Variants in DDX60L observed in about 807,000 individuals in gnomAD.
DDX60L encodes the protein DExD/H-box 60 like, also known as probable ATP-dependent RNA helicase DDX60-like.
DDX60L carries 191 observed loss-of-function variants against 211.6 expected under a neutral mutation model. That is an observed-to-expected ratio of 0.90 (90% CI 0.80 to 1.02). The LOEUF (loss-of-function observed/expected upper bound fraction) is 1.02, where lower values mean the gene tolerates loss of function less well. DDX60L is among the 50% of genes least tolerant of loss of function. The probability of loss-of-function intolerance (pLI) is 0.00; values close to 1 mark genes in which losing one functional copy is unlikely to be tolerated. For synonymous variants in DDX60L, 706 were observed against 694.1 expected (o/e 1.02, Z -0.27); for missense variants, 2,007 against 1,984.1 (o/e 1.01, Z -0.22).
chr4:168,386,299 G>C (rs1306428208), intron 29 of DDX60L, among the ~76,000 whole-genome samples: 10 of 152,048 alleles, frequency 6.6e-5, no homozygotes, highest in Admixed American at 6.6e-4. Context: ...TTAACAAATA[G>C]AGTTAAAAGT....
Position 168,375,539 on chromosome 4 carries a change from C to T in DDX60L, c.4486-15G>A, listed in dbSNP as rs1489498545. 7 of 1,572,256 alleles carry T rather than the reference C, an allele frequency of 4.5e-6. No individual in the cohort carries two copies. The highest frequency in any genetic ancestry group is 2.3e-5 in the East Asian group (1 of 43,812). On this transcript the variant is annotated splice_polypyrimidine_tract_variant and intron_variant, in intron 33 of 37. Coordinates refer to ENST00000682922, the MANE Select transcript of DDX60L (RefSeq NM_001012967.3). Reference sequence around the variant, plus strand: ...GCAAGGATCACCTATGGGCGAAATACATTTCAGAAAGATCTCTTTACTTTT... The same window carrying T: ...GCAAGGATCACCTATGGGCGAAATATATTTCAGAAAGATCTCTTTACTTTT...
At chr4:168,372,217 A>C (rs1741154705) in intron 35 of DDX60L, among the ~76,000 whole-genome samples, 1 of 152,138 alleles carries the variant, frequency 6.6e-6, no homozygotes, top group African/African-American at 2.4e-5. Context: ...GAATAAAATG[A>C]AACAGCACAA....
At chr4:168,453,071 A>T (rs1288511618) in intron 8 of DDX60L, 53 bp downstream of exon 8, 51 of 1,516,880 alleles carry the variant, frequency 3.4e-5, no homozygotes, top group Non-Finnish European at 4.4e-5. Context: ...TTTAAAGGTG[A>T]TCATGGTTTT....
chr4:168,407,852 T>A (rs1389185071), intron 22 of DDX60L, among the ~76,000 whole-genome samples: 1 of 152,230 alleles, frequency 6.6e-6, no homozygotes, highest in Non-Finnish European at 1.5e-5. Flanking sequence ...AATATGAGAA[T>A]GACAATGTCT....
At chr4:168,371,169 G>A (rs896480291) in intron 36 of DDX60L, among the ~76,000 whole-genome samples, 9 of 151,234 alleles carry the variant, frequency 6.0e-5, no homozygotes, top group Admixed American at 2.0e-4. Flanking sequence ...TGAATAATTA[G>A]TGTAACGGTA....
At chr4:168,373,577 G>A in intron 35 of DDX60L, 89 bp downstream of exon 35, 2 of 1,311,772 alleles carry the variant, frequency 1.5e-6, no homozygotes, top group Middle Eastern at 1.9e-4. Context: ...CAGTGTTTTG[G>A]GTTTGAGGTC....
At chr4:168,420,082 C>T (rs1402208161) in intron 18 of DDX60L, among the ~76,000 whole-genome samples, 179 bp downstream of exon 18, 2 of 152,118 alleles carry the variant, frequency 1.3e-5, no homozygotes, top group Non-Finnish European at 2.9e-5. Flanking sequence ...GATGGTGAGC[C>T]TAGTTCTTAC....
chr4:168,433,156 A>G (rs1290668588), intron 10 of DDX60L, 41 bp from the exon 11 acceptor site: 1 of 1,272,682 alleles, frequency 7.9e-7, no homozygotes, highest in Non-Finnish European at 1.1e-6. Flanking sequence ...GAAAGGTGTA[A>G]CTATCCTATA....
intron 9 of DDX60L, among the ~76,000 whole-genome samples, chr4:168,447,908 CG>C (rs1315047263): frequency 6.8e-6 from 1 of 146,862 alleles, no homozygotes; most frequent in African/African-American, 2.5e-5. Flanking sequence ...GGGATAGCAT[CG>C]GGAGATATAC....
chr4:168,442,994 T>C (rs1579681326), intron 9 of DDX60L, among the ~76,000 whole-genome samples: 1 of 152,320 alleles, frequency 6.6e-6, no homozygotes, highest in East Asian at 1.9e-4. Flanking sequence ...AGGAACGCAG[T>C]TCCTCACCAG....
At chr4:168,471,223 G>A (rs532994748) in intron 4 of DDX60L, among the ~76,000 whole-genome samples, 4 of 152,270 alleles carry the variant, frequency 2.6e-5, no homozygotes, top group African/African-American at 7.2e-5. Context: ...ATTTTGAAAC[G>A]TACCCCCAAA....
intron 36 of DDX60L, among the ~76,000 whole-genome samples, chr4:168,368,779 A>G (rs1740438248): frequency 6.6e-6 from 1 of 152,200 alleles, no homozygotes; most frequent in Non-Finnish European, 1.5e-5. Context: ...GATGCAAGAC[A>G]TGGAGTCAAA....
At chr4:168,411,318 G>A (rs555589554) in intron 22 of DDX60L, among the ~76,000 whole-genome samples, 1 of 152,314 alleles carries the variant, frequency 6.6e-6, no homozygotes, top group Non-Finnish European at 1.5e-5. Flanking sequence ...AGGCACTGAA[G>A]AGGGCAGGAA....
intron 37 of DDX60L, among the ~76,000 whole-genome samples, chr4:168,359,544 T>C (rs1383615642): frequency 6.6e-6 from 1 of 152,206 alleles, no homozygotes; most frequent in Non-Finnish European, 1.5e-5. Flanking sequence ...GCCTTCATTT[T>C]CTCTCACCTG....
chr4:168,419,569 T>C (rs1473592704), intron 18 of DDX60L, among the ~76,000 whole-genome samples, 172 bp from the exon 19 acceptor site: 2 of 152,220 alleles, frequency 1.3e-5, no homozygotes, highest in East Asian at 1.9e-4. Context: ...TTTGGATTAA[T>C]GAAAATGAAA....
intron 35 of DDX60L, 125 bp from the exon 36 acceptor site, chr4:168,371,888 G>A (rs1741096631): frequency 1.1e-6 from 1 of 895,294 alleles, no homozygotes; most frequent in East Asian, 2.8e-5. Flanking sequence ...AGTGAAGGAG[G>A]CAGGCAGAGG....
chr4:168,386,111 C>G (rs1385834299), intron 29 of DDX60L, among the ~76,000 whole-genome samples: 1 of 152,038 alleles, frequency 6.6e-6, no homozygotes, highest in Non-Finnish European at 1.5e-5. Flanking sequence ...ATGAAGGATT[C>G]AAACTTCTTC....
In DDX60L at chr4:168,448,647, T is replaced by C; in HGVS notation, c.1129A>G (p.Ser377Gly). ...KNIAFYYEFESTQEPHLNLGD... is the reference protein window; with the variant it reads ...KNIAFYYEFEGTQEPHLNLGD... ...CATATTCAGGTACTACCTTGAGTACTTTCAAATTCATAGTAGAAGGCTATA... is the reference window on the plus strand; with the variant it reads ...CATATTCAGGTACTACCTTGAGTACCTTCAAATTCATAGTAGAAGGCTATA... Residue 377 changes from serine to glycine, a missense_variant, in exon 9 of 38, where the codon AGT (serine) becomes GGT (glycine). Coordinates refer to ENST00000682922, the MANE Select transcript of DDX60L (RefSeq NM_001012967.3). The C allele has an allele frequency of 6.5e-7, 1 of 1,550,046 alleles. No homozygotes were observed. The highest frequency in any genetic ancestry group is 8.8e-7 in the Non-Finnish European group (1 of 1,133,742).
intron 29 of DDX60L, among the ~76,000 whole-genome samples, chr4:168,386,590 A>G (rs1560963618): frequency 1.6e-5 from 1 of 61,686 alleles, no homozygotes; most frequent in Non-Finnish European, 5.1e-5. Flanking sequence ...AAAAAAAAAG[A>G]ACAAAGATAA....
Sources: allele counts gnomAD v4.1 joint callset (sites outside exome capture counted in the v4.1 genomes callset), GRCh38; gene constraint gnomAD v4.1.1; transcripts MANE v1.5; gene names NCBI Gene and HGNC (gene_info 2026-07-23, HGNC 2026-07-21).